PGBD2: variants seen among roughly 807,000 people sequenced by gnomAD.
PGBD2 encodes the protein piggyBac transposable element derived 2, also known as piggyBac transposable element-derived protein 2.
PGBD2 carries 6 observed loss-of-function variants against 8.1 expected under a neutral mutation model. The observed-to-expected ratio is 0.74, with a 90% CI of 0.40 to 1.46. The LOEUF is 1.46. PGBD2 is among the 40% of genes most tolerant of loss of function. The probability of loss-of-function intolerance (pLI) is 0.02; values close to 1 mark genes in which losing one functional copy is unlikely to be tolerated. For missense variants in PGBD2, 802 were observed against 739.0 expected, an observed-to-expected ratio of 1.09 and a Z score of -0.99; for synonymous variants, 318 against 272.2, an observed-to-expected ratio of 1.17 and a Z score of -1.66.
chr1:248,901,330 G>A (rs903217634), upstream of PGBD2, among the ~76,000 whole-genome samples: 3 of 152,240 alleles, frequency 2.0e-5, no homozygotes, highest in East Asian at 1.9e-4. Flanking sequence ...CAGGGTACCC[G>A]ACTTCAAACT....
At chr1:248,914,478 C>CAT in intron 2 of PGBD2, 2 of 1,288,320 alleles carry the variant, frequency 1.6e-6, no homozygotes, top group Non-Finnish European at 2.0e-6. Flanking sequence ...TGGAGGTCAG[C>CAT]ATGGCAGCTG....
chr1:248,882,091 T>G, the PGBD2 span, among the ~76,000 whole-genome samples: 1 of 152,110 alleles, frequency 6.6e-6, no homozygotes, highest in African/African-American at 2.4e-5. Flanking sequence ...GCAATGGGGC[T>G]CTCTCTTTGT....
At chr1:248,926,431 G>C in the PGBD2 span, among the ~76,000 whole-genome samples, 1 of 152,158 alleles carries the variant, frequency 6.6e-6, no homozygotes. Flanking sequence ...TTCCTGCTAA[G>C]TCATGGACAA....
the PGBD2 span, among the ~76,000 whole-genome samples, chr1:248,874,291 C>T: frequency 2.6e-5 from 4 of 152,168 alleles, no homozygotes; most frequent in South Asian, 2.1e-4. Context: ...CTCACCGCCG[C>T]GGCCCGGGTT....
chr1:248,897,597 C>T, the PGBD2 span, among the ~76,000 whole-genome samples: 2 of 152,206 alleles, frequency 1.3e-5, no homozygotes, highest in South Asian at 2.1e-4. Flanking sequence ...CTGGTGGCCA[C>T]TCCAGTCAGC....
In PGBD2 at chr1:248,918,164, G is replaced by C. The variant is rs1214183794; in HGVS notation, c.1580G>C (p.Ser527Thr). 5 of 1,614,106 alleles carry C rather than the reference G, an allele frequency of 3.1e-6. No individual in the cohort carries two copies. The African/African-American group carries it at 6.7e-5, about 22-fold the overall frequency. ...RRYIACVYLE[S>T]NADTTSQGRR... The stretch of plus-strand genomic sequence containing the variant: ...TACATTGCCTGTGTGTATCTGGAGA[G>C]CAATGCTGACACAACATCTCAAGGG... Residue 527 changes from serine (S) to threonine (T), a missense_variant, in exon 3 of 3, where the codon AGC becomes ACC. Ser to Thr is a moderately conservative substitution (Grantham distance 58, BLOSUM62 1). Transcript: ENST00000329291.
downstream of PGBD2, among the ~76,000 whole-genome samples, chr1:248,922,011 T>A (rs1278999650): frequency 6.6e-6 from 1 of 152,190 alleles, no homozygotes; most frequent in Non-Finnish European, 1.5e-5. Flanking sequence ...ATGTTGCCTA[T>A]CAGCTTAAGG....
At chr1:248,883,522 T>C in the PGBD2 span, among the ~76,000 whole-genome samples, 1 of 151,904 alleles carries the variant, frequency 6.6e-6, no homozygotes, top group East Asian at 1.9e-4. Flanking sequence ...TTCAGATGTA[T>C]AGTTTGTGAA....
chr1:248,899,804 A>G, the PGBD2 span, among the ~76,000 whole-genome samples: 32 of 151,786 alleles, frequency 2.1e-4, no homozygotes, highest in Non-Finnish European at 4.4e-4. Flanking sequence ...TGGGAAAAAA[A>G]AAAAAAAGTA....
In PGBD2 at chr1:248,918,296, AC is replaced by A. The variant is rs762376755; in HGVS notation, c.1713del (p.Asn571LysfsTer58). On this transcript the variant is annotated frameshift_variant, in exon 3 of 3. Transcript: ENST00000329291. LOFTEE classifies it high-confidence loss of function. ...TGTGCCCTCTGCCACTCACAGACCAACACCCGGTGTGAGAAGTGCCAGAAGG... is the reference window on the plus strand; with the variant it reads ...TGTGCCCTCTGCCACTCACAGACCAAACCCGGTGTGAGAAGTGCCAGAAGG... ...TRCALCHSQT[N>X]TRCEKCQKGV... 1 of 1,598,888 alleles carries A rather than the reference AC, an allele frequency of 6.3e-7. No individual in the cohort carries two copies. Among genetic ancestry groups the A allele is most frequent in the African/African-American group, 1.3e-5 (1 of 74,700 alleles).
chr1:248,921,411 T>A (rs1367813444), downstream of PGBD2, among the ~76,000 whole-genome samples: 1 of 152,228 alleles, frequency 6.6e-6, no homozygotes, highest in Non-Finnish European at 1.5e-5. Context: ...CACCATTGCT[T>A]GTTTTTGTCA....
At chr1:248,890,817 A>G in the PGBD2 span, among the ~76,000 whole-genome samples, 1 of 148,090 alleles carries the variant, frequency 6.8e-6, no homozygotes, top group African/African-American at 2.5e-5. Context: ...CACACACACA[A>G]CATACACCAC....
At chr1:248,901,315 G>T (rs1011832623), upstream of PGBD2, among the ~76,000 whole-genome samples, 1 of 152,144 alleles carries the variant, frequency 6.6e-6, no homozygotes. Flanking sequence ...CAAAGCTGGA[G>T]GCATCAGGGT....
chr1:248,907,031 G>T (rs1328408396), intron 1 of PGBD2, among the ~76,000 whole-genome samples: 1 of 152,114 alleles, frequency 6.6e-6, no homozygotes, highest in Non-Finnish European at 1.5e-5. Flanking sequence ...GGGCCCAGGG[G>T]ACCGGCACTC....
Position 248,918,003 on chromosome 1 carries a change from C to T in PGBD2, c.1419C>T (p.Tyr473=), listed in dbSNP as rs774063611. 4 of 1,614,176 alleles carry T rather than the reference C, an allele frequency of 2.5e-6. No homozygotes were observed. Among genetic ancestry groups the T allele is most frequent in the Middle Eastern group, 1.6e-4 (1 of 6,062 alleles). Residue 473 remains tyrosine (Y), a synonymous_variant, in exon 3 of 3, where the codon TAC becomes TAT. Coordinates refer to ENST00000329291, the MANE Select transcript of PGBD2 (RefSeq NM_170725.3). ...GGATGGATCAGAATATTGCCAAGTACAAGGTGAAGATCCGAGGCATGAAGT... is the reference window on the plus strand; with the variant it reads ...GGATGGATCAGAATATTGCCAAGTATAAGGTGAAGATCCGAGGCATGAAGT... ...VGRMDQNIAK[Y]KVKIRGMKWY...
intron 1 of PGBD2, among the ~76,000 whole-genome samples, chr1:248,906,928 T>A (rs1399537754): frequency 6.6e-6 from 1 of 152,088 alleles, no homozygotes; most frequent in Non-Finnish European, 1.5e-5. Context: ...AGGGGTGGCC[T>A]GCCCTTCCAC....
the PGBD2 span, among the ~76,000 whole-genome samples, chr1:248,874,943 T>TAGATAGATAGATAGGC: frequency 1.4e-3 from 218 of 150,638 alleles, no homozygotes; most frequent in African/African-American, 5.1e-3. Flanking sequence ...GATAGATAGA[T>TAGATAGATAGATAGGC]AGATAGATAG....
chr1:248,920,139 T>C (rs1253786531), downstream of PGBD2, among the ~76,000 whole-genome samples: 2 of 151,764 alleles, frequency 1.3e-5, no homozygotes, highest in African/African-American at 4.9e-5. Flanking sequence ...AGCCTCCCAG[T>C]ATATATCTTT....
At chr1:248,924,197 T>G (rs1439336332), downstream of PGBD2, among the ~76,000 whole-genome samples, 1 of 152,212 alleles carries the variant, frequency 6.6e-6, no homozygotes, top group Non-Finnish European at 1.5e-5. Flanking sequence ...CTCCCAGGTC[T>G]TGCTGGAGGT....
Sources: gnomAD v4.1 joint callset for allele counts (sites outside exome capture counted in the v4.1 genomes callset) on GRCh38, gnomAD v4.1.1 for gene constraint, MANE v1.5 for transcripts, NCBI Gene and HGNC (gene_info 2026-07-23, HGNC 2026-07-21) for gene names.